The following ADD3 variants were observed in gnomAD, a reference collection of about 807,000 sequenced individuals.
The protein encoded by ADD3 is gamma-adducin.
In ADD3, 25 loss-of-function variants were observed where a neutral mutation model predicts 80.2. The ratio of observed to expected loss-of-function variants is 0.31; its 90% CI spans 0.23 to 0.44. The LOEUF is 0.44. Among genes scored for constraint, ADD3 ranks in the 20% least tolerant of loss-of-function variants. The probability of loss-of-function intolerance (pLI) is 1.00; values close to 1 mark genes in which losing one functional copy is unlikely to be tolerated. For synonymous variants in ADD3, 284 were observed against 289.6 expected, an observed-to-expected ratio of 0.98 and a Z score of 0.20; for missense variants, 829 against 847.5, an observed-to-expected ratio of 0.98 and a Z score of 0.27.
At chr10:110,057,484 A>G (rs2133460441) in intron 1 of ADD3, among the ~76,000 whole-genome samples, 1 of 152,320 alleles carries the variant, frequency 6.6e-6, no homozygotes, top group Non-Finnish European at 1.5e-5. Flanking sequence ...CTTTAGATCT[A>G]CTGGTACTCA....
At chr10:110,112,457 T>A in intron 2 of ADD3, 1 of 183,080 alleles carries the variant, frequency 5.5e-6, no homozygotes, top group East Asian at 1.3e-4. Flanking sequence ...GTGGGTCACC[T>A]TTTTTTTTAC....
intron 1 of ADD3, among the ~76,000 whole-genome samples, chr10:110,070,992 G>T (rs1367909794): frequency 4.1e-5 from 3 of 73,000 alleles, no homozygotes; most frequent in East Asian, 8.0e-4. Context: ...GGGGGGGGGG[G>T]GTGGGGAGCC....
intron 1 of ADD3, among the ~76,000 whole-genome samples, chr10:109,996,837 A>C (rs1231980222): frequency 6.6e-6 from 1 of 152,226 alleles, no homozygotes; most frequent in Non-Finnish European, 1.5e-5. Flanking sequence ...ACTGATGTCA[A>C]GCCATGGAGC....
Position 110,119,274 on chromosome 10 carries a change from G to T in ADD3, c.781G>T (p.Ala261Ser), listed in dbSNP as rs764861697. The T allele has an allele frequency of 2.8e-5, 46 of 1,614,120 alleles. 1 individual carries two copies. In the Middle Eastern group the frequency reaches 4.9e-4, roughly 17 times the overall value. ...SQESLLLGDV[A>S]YYDYQGSLEE... ...AGAGTCTCTTCTTCTGGGAGATGTTGCCTATTATGACTACCAAGGGTCACT... is the reference window on the plus strand; with the variant it reads ...AGAGTCTCTTCTTCTGGGAGATGTTTCCTATTATGACTACCAAGGGTCACT... Residue 261 changes from alanine to serine, a missense_variant, in exon 7 of 15, where the codon GCC becomes TCC. Transcript: ENST00000356080.
chr10:110,130,851 G>A lies in ADD3; in HGVS notation c.1732+365G>A, dbSNP rs11195000. The stretch of plus-strand genomic sequence containing the variant: ...AGCCTGGGCGACAGAGAGAGACTCC[G>A]TCTCAAAAAAAAAAAAACAGAAAAA... On this transcript the variant is annotated intron_variant, in intron 13 of 14. Transcript: ENST00000356080. Among the ~76,000 whole-genome samples, 7 of 146,190 alleles carry A rather than the reference G, an allele frequency of 4.8e-5. No homozygotes were observed. The East Asian group carries it at 7.9e-4, about 17-fold the overall frequency.
intron 1 of ADD3, among the ~76,000 whole-genome samples, chr10:110,011,612 A>T (rs1375352604): frequency 2.0e-5 from 3 of 152,240 alleles, no homozygotes; most frequent in Non-Finnish European, 2.9e-5. Context: ...TTCCTTTGAA[A>T]ATATTAAATA....
intron 2 of ADD3, among the ~76,000 whole-genome samples, chr10:110,101,396 A>C (rs562034822): frequency 3.9e-5 from 6 of 152,286 alleles, no homozygotes; most frequent in Admixed American, 3.9e-4. Context: ...CACTTTGGGA[A>C]GCCGAGGCAG....
chr10:110,093,986 G>T (rs1427358074), intron 1 of ADD3, among the ~76,000 whole-genome samples: 1 of 152,168 alleles, frequency 6.6e-6, no homozygotes, highest in Non-Finnish European at 1.5e-5. Flanking sequence ...TTGATAAAAT[G>T]TTAGTGAGTA....
rs560169762 is a variant in ADD3 at position 110,092,305 on chromosome 10, T to C, written c.-29-8320T>C. ...AGCACTATCCACAATAGCAAAGACA[T>C]GGAATCAATCACCTAGATGTCCATA... On this transcript the variant is annotated intron_variant, in intron 1 of 14. Coordinates refer to ENST00000356080, the MANE Select transcript of ADD3 (RefSeq NM_016824.5). Among the ~76,000 whole-genome samples, 180 of 152,216 alleles carry C rather than the reference T, an allele frequency of 1.2e-3. 2 individuals carry two copies. The highest frequency in any genetic ancestry group is 4.2e-3 in the African/African-American group (175 of 41,530).
intron 1 of ADD3, among the ~76,000 whole-genome samples, chr10:110,090,242 C>CA (rs755818016): frequency 2.4e-5 from 3 of 124,478 alleles, no homozygotes; most frequent in African/African-American, 3.4e-5. Context: ...TTTTGGCAGA[C>CA]AGAGTCTTGC....
chr10:110,118,062 A>ACACACACG (rs1565013825), intron 5 of ADD3, among the ~76,000 whole-genome samples: 1 of 140,400 alleles, frequency 7.1e-6, no homozygotes, highest in African/African-American at 2.9e-5. Context: ...ACACACACAC[A>ACACACACG]CACACACACA....
At chr10:110,063,161 T>C (rs1362714404) in intron 1 of ADD3, among the ~76,000 whole-genome samples, 2 of 152,214 alleles carry the variant, frequency 1.3e-5, no homozygotes, top group Non-Finnish European at 2.9e-5. Context: ...TGTTAATGTT[T>C]CTTATCACTG....
Position 110,124,289 on chromosome 10 carries a change from T to A in ADD3, c.1401+15T>A. On this transcript the variant is annotated intron_variant, in intron 10 of 14. Coordinates refer to ENST00000356080, the MANE Select transcript of ADD3 (RefSeq NM_016824.5). ...CCAAAATCACGGTATGCCAGTATTT[T>A]ATGTAGTTTGCCTTTACTAAATATT... is the stretch of plus-strand genomic sequence containing the variant. The A allele has an allele frequency of 6.2e-7, 1 of 1,609,640 alleles. No individual in the cohort carries two copies. The highest frequency in any genetic ancestry group is 8.5e-7 in the Non-Finnish European group (1 of 1,176,234).
chr10:110,134,717 T>C lies in ADD3; in HGVS notation c.*1099T>C, dbSNP rs927161763. The C allele has an allele frequency of 6.6e-6, 1 of 152,654 alleles. No homozygotes were observed. Among genetic ancestry groups the C allele is most frequent in the Admixed American group, 6.5e-5 (1 of 15,290 alleles). The allele number at this position is 152,654 out of a possible 1,614,324, so 9.5% of individuals were successfully genotyped here. A position where few individuals can be genotyped will look rare whatever the true frequency, so the allele number is the denominator to read the frequency against. On this transcript the variant is annotated 3_prime_UTR_variant, in exon 15 of 15. Coordinates refer to ENST00000356080, the MANE Select transcript of ADD3 (RefSeq NM_016824.5). ...ACGATAGGATACAAAGTGTGATTTG[T>C]TGGAAACATGTCCCAAATTTCTAAA...
intron 1 of ADD3, among the ~76,000 whole-genome samples, chr10:110,092,764 TATA>T (rs1344447853): frequency 2.0e-5 from 3 of 151,980 alleles, no homozygotes; most frequent in Non-Finnish European, 4.4e-5. Flanking sequence ...TTTAAATAAA[TATA>T]ATTTTATTTT....
chr10:110,071,023 C>A, intron 1 of ADD3, among the ~76,000 whole-genome samples: 1 of 147,268 alleles, frequency 6.8e-6, no homozygotes, highest in East Asian at 2.1e-4. Flanking sequence ...CCTACCTATC[C>A]AACAGCAGTG....
intron 1 of ADD3, among the ~76,000 whole-genome samples, chr10:110,048,849 C>CTGG: frequency 6.6e-6 from 1 of 152,320 alleles, no homozygotes; most frequent in South Asian, 2.1e-4. Flanking sequence ...GAAATTCAAG[C>CTGG]TGGCTGCAGA....
chr10:110,011,334 T>G (rs1429891720), intron 1 of ADD3, among the ~76,000 whole-genome samples: 1 of 152,242 alleles, frequency 6.6e-6, no homozygotes, highest in Non-Finnish European at 1.5e-5. Flanking sequence ...TTCACATTCC[T>G]CAAGGAACTG....
chr10:110,080,416 T>C (rs1845936014), intron 1 of ADD3, among the ~76,000 whole-genome samples: 1 of 152,252 alleles, frequency 6.6e-6, no homozygotes, highest in Admixed American at 6.5e-5. Context: ...ATTAAAAACA[T>C]CTATTGTATA....
Sources: gnomAD v4.1 joint callset for allele counts (sites outside exome capture counted in the v4.1 genomes callset) on GRCh38, gnomAD v4.1.1 for gene constraint, MANE v1.5 for transcripts, NCBI Gene and HGNC (gene_info 2026-07-23, HGNC 2026-07-21) for gene names.